The following HHAT variants were observed in gnomAD, a reference collection of about 807,000 sequenced individuals.
HHAT encodes the protein hedgehog acyltransferase, also known as protein-cysteine N-palmitoyltransferase HHAT.
HHAT carries 47 observed loss-of-function variants against 70.8 expected under a neutral mutation model. That is an observed-to-expected ratio of 0.66 (90% CI 0.53 to 0.85). The LOEUF is 0.85. HHAT is among the 40% of genes least tolerant of loss of function. The pLI is 0.00. For missense variants in HHAT, 609 were observed against 604.8 expected, an observed-to-expected ratio of 1.01 and a Z score of -0.07; for synonymous variants, 228 against 247.6, an observed-to-expected ratio of 0.92 and a Z score of 0.74.
chr1:210,393,892 T>G (rs969727100), intron 4 of HHAT, among the ~76,000 whole-genome samples: 8 of 152,192 alleles, frequency 5.3e-5, no homozygotes, highest in Non-Finnish European at 2.9e-5. Flanking sequence ...TACATAAGTA[T>G]GAACCACAGC....
At chr1:210,473,268 G>A (rs768274447) in intron 8 of HHAT, among the ~76,000 whole-genome samples, 5 of 152,138 alleles carry the variant, frequency 3.3e-5, no homozygotes, top group Admixed American at 6.5e-5. Context: ...GCCACAAAGC[G>A]TCTGTTTTGT....
intron 1 of HHAT, among the ~76,000 whole-genome samples, chr1:210,332,697 C>T (rs1057292090): frequency 4.6e-5 from 7 of 152,198 alleles, no homozygotes; most frequent in African/African-American, 1.7e-4. Flanking sequence ...GCTTGGTCTC[C>T]ATGTGGTGAA....
intron 7 of HHAT, among the ~76,000 whole-genome samples, chr1:210,442,367 G>T (rs1373871550): frequency 4.9e-5 from 7 of 141,960 alleles, no homozygotes; most frequent in African/African-American, 1.9e-4. Context: ...TATATACCCA[G>T]TAATGGGATG....
chr1:210,388,126 G>A (rs1422568025), intron 4 of HHAT, among the ~76,000 whole-genome samples: 1 of 152,166 alleles, frequency 6.6e-6, no homozygotes, highest in East Asian at 1.9e-4. Flanking sequence ...GCTACCAAGG[G>A]ACCTGATATA....
intron 8 of HHAT, among the ~76,000 whole-genome samples, chr1:210,489,943 G>A (rs1466132177): frequency 2.0e-5 from 3 of 152,186 alleles, no homozygotes; most frequent in Non-Finnish European, 4.4e-5. Context: ...GGGCTTGTCT[G>A]TAGGAGGCAT....
At chr1:210,391,199 G>A (rs78033255) in intron 4 of HHAT, among the ~76,000 whole-genome samples, 5,827 of 152,052 alleles carry the variant, frequency 0.038, 380 homozygotes, top group African/African-American at 0.13. Flanking sequence ...TAATAATTAT[G>A]GAAATTAAGT....
intron 4 of HHAT, among the ~76,000 whole-genome samples, chr1:210,396,439 C>T (rs976888366): frequency 6.6e-6 from 1 of 152,140 alleles, no homozygotes; most frequent in African/African-American, 2.4e-5. Context: ...AGTAACAGCA[C>T]CAAATGCTGG....
At chr1:210,567,794 C>A (rs1349826308) in intron 9 of HHAT, among the ~76,000 whole-genome samples, 2 of 152,104 alleles carry the variant, frequency 1.3e-5, no homozygotes, top group African/African-American at 2.4e-5. Context: ...TACCCAGGGA[C>A]CTGCTTGCTG....
intron 9 of HHAT, among the ~76,000 whole-genome samples, chr1:210,547,746 G>A (rs1024396795): frequency 6.6e-6 from 1 of 152,056 alleles, no homozygotes; most frequent in Non-Finnish European, 1.5e-5. Flanking sequence ...GTTTCCCTCC[G>A]CATAGCTTTA....
At chr1:210,374,182 A>T (rs900075610) in intron 3 of HHAT, 1 of 152,360 alleles carries the variant, frequency 6.6e-6, no homozygotes, top group South Asian at 2.1e-4. Context: ...GCTTACAAAA[A>T]ATTAGCTTAT....
chr1:210,609,833 G>A (rs753353856), intron 10 of HHAT, among the ~76,000 whole-genome samples: 1 of 152,254 alleles, frequency 6.6e-6, no homozygotes, highest in Middle Eastern at 3.4e-3. Context: ...CCCTTCAAAG[G>A]ATGTGATCTT....
At position 210,348,950 on chromosome 1, in the gene HHAT, A is replaced by G. The variant is rs752349085; in HGVS notation, c.-26A>G. On this transcript the variant is annotated 5_prime_UTR_variant, in exon 2 of 12. Transcript: ENST00000261458. ...TTTCTCAGAAACTCTCAGCGTAGGC[A>G]TCGGGAACCTTCGTGCCAAGGAGCC... The G allele has an allele frequency of 6.2e-7, 1 of 1,612,126 alleles. No homozygotes were observed. The highest frequency in any genetic ancestry group is 1.1e-5 in the South Asian group (1 of 90,584).
chr1:210,410,075 CAG>C (rs564810667), intron 6 of HHAT, among the ~76,000 whole-genome samples: 54 of 150,358 alleles, frequency 3.6e-4, no homozygotes, highest in Middle Eastern at 3.5e-3. Context: ...TTTTTTGAGA[CAG>C]AGTCTGGCTC....
chr1:210,447,942 G>A (rs568574299), intron 7 of HHAT, among the ~76,000 whole-genome samples: 1 of 152,298 alleles, frequency 6.6e-6, no homozygotes, highest in South Asian at 2.1e-4. Flanking sequence ...TGGCTGAGGT[G>A]ACTGTCAGTG....
chr1:210,555,108 C>T (rs1200094644), intron 9 of HHAT, among the ~76,000 whole-genome samples: 1 of 152,040 alleles, frequency 6.6e-6, no homozygotes, highest in Non-Finnish European at 1.5e-5. Flanking sequence ...CCTCAAGGAA[C>T]CAATAAAAGT....
chr1:210,503,295 G>T (rs2094794481), intron 8 of HHAT, among the ~76,000 whole-genome samples: 1 of 152,140 alleles, frequency 6.6e-6, no homozygotes. Context: ...CCTTGCCCAT[G>T]CTCCTAGCAA....
At chr1:210,417,247 G>GT (rs900187934) in intron 6 of HHAT, among the ~76,000 whole-genome samples, 3 of 151,984 alleles carry the variant, frequency 2.0e-5, no homozygotes, top group Non-Finnish European at 4.4e-5. Flanking sequence ...GTTTTGTTTT[G>GT]TTTTTTAGAC....
At chr1:210,631,384 G>T (rs1670832214) in intron 11 of HHAT, among the ~76,000 whole-genome samples, 1 of 152,224 alleles carries the variant, frequency 6.6e-6, no homozygotes, top group Non-Finnish European at 1.5e-5. Flanking sequence ...AGACCTTCCA[G>T]CCTCTGGGAC....
At chr1:210,477,702 T>A (rs574853682) in intron 8 of HHAT, among the ~76,000 whole-genome samples, 1 of 152,264 alleles carries the variant, frequency 6.6e-6, no homozygotes, top group Non-Finnish European at 1.5e-5. Context: ...AAAATATACA[T>A]CGTGGGTATC....
Sources: allele counts gnomAD v4.1 joint callset (sites outside exome capture counted in the v4.1 genomes callset), GRCh38; gene constraint gnomAD v4.1.1; transcripts MANE v1.5; gene names NCBI Gene and HGNC (gene_info 2026-07-23, HGNC 2026-07-21).